Variants in DGKI observed in about 807,000 individuals in gnomAD.
DGKI encodes the protein DAG kinase iota.
A neutral mutation model predicts 147.5 loss-of-function variants in DGKI; 55 were observed. That is an observed-to-expected ratio of 0.37 (90% CI 0.30 to 0.47). The LOEUF (loss-of-function observed/expected upper bound fraction) is 0.47, where lower values mean the gene tolerates loss of function less well. DGKI is among the 20% of genes least tolerant of loss of function. The pLI is 1.00. For synonymous variants in DGKI, 469 were observed against 477.1 expected (o/e 0.98, Z 0.22); for missense variants, 1,007 against 1,323.8 (o/e 0.76, Z 3.71).
At chr7:137,656,848 T>G (rs1398134656) in intron 3 of DGKI, among the ~76,000 whole-genome samples, 1 of 152,240 alleles carries the variant, frequency 6.6e-6, no homozygotes, top group Non-Finnish European at 1.5e-5. Flanking sequence ...CTCTTTGTTC[T>G]GTCATTTCTA....
intron 8 of DGKI, among the ~76,000 whole-genome samples, chr7:137,616,477 C>A (rs1347093462): frequency 1.3e-5 from 2 of 152,010 alleles, no homozygotes; most frequent in African/African-American, 4.8e-5. Context: ...TAAAAGTAAC[C>A]AAGACTCTAG....
At chr7:137,705,360 A>G (rs920648451) in intron 1 of DGKI, among the ~76,000 whole-genome samples, 3 of 152,260 alleles carry the variant, frequency 2.0e-5, no homozygotes, top group Non-Finnish European at 4.4e-5. Flanking sequence ...AAACTATGGT[A>G]TATTTATAAA....
chr7:137,611,836 T>A (rs1820374617), intron 8 of DGKI, among the ~76,000 whole-genome samples: 1 of 152,214 alleles, frequency 6.6e-6, no homozygotes, highest in African/African-American at 2.4e-5. Flanking sequence ...AATATTCCTA[T>A]AATTCACAGC....
At chr7:137,784,203 C>T (rs1321037515) in intron 1 of DGKI, among the ~76,000 whole-genome samples, 1 of 152,084 alleles carries the variant, frequency 6.6e-6, no homozygotes, top group African/African-American at 2.4e-5. Flanking sequence ...ATTCACCAAC[C>T]AAGTTTCTGC....
intron 1 of DGKI, among the ~76,000 whole-genome samples, chr7:137,776,965 G>A (rs936061404): frequency 6.6e-6 from 1 of 152,088 alleles, no homozygotes; most frequent in Admixed American, 6.5e-5. Flanking sequence ...CAAAAGAAAT[G>A]CTTGAGGCCA....
intron 19 of DGKI, among the ~76,000 whole-genome samples, chr7:137,559,145 C>T (rs1056762925): frequency 7.7e-6 from 1 of 129,154 alleles, no homozygotes; most frequent in Non-Finnish European, 1.6e-5. Flanking sequence ...GATCTCGGCT[C>T]ACTGCAAGCT....
intron 1 of DGKI, among the ~76,000 whole-genome samples, chr7:137,783,065 A>C (rs1796567867): frequency 6.6e-6 from 1 of 152,198 alleles, no homozygotes; most frequent in South Asian, 2.1e-4. Context: ...ATATGACAAA[A>C]CAAGATTATT....
At chr7:137,457,497 G>T (rs1814249797) in intron 27 of DGKI, among the ~76,000 whole-genome samples, 1 of 152,134 alleles carries the variant, frequency 6.6e-6, no homozygotes, top group Admixed American at 6.5e-5. Flanking sequence ...GGACCAGAGG[G>T]GAATGATGTT....
chr7:137,659,881 C>A (rs1460184872), intron 3 of DGKI, among the ~76,000 whole-genome samples: 1 of 152,084 alleles, frequency 6.6e-6, no homozygotes, highest in South Asian at 2.1e-4. Flanking sequence ...TGCAGTGAGC[C>A]GAGATCGCGC....
chr7:137,394,576 T>C (rs1811480255), intron 32 of DGKI, among the ~76,000 whole-genome samples: 1 of 152,230 alleles, frequency 6.6e-6, no homozygotes, highest in Admixed American at 6.5e-5. Flanking sequence ...TGGTGCAGCT[T>C]GTTCTCAGTT....
intron 6 of DGKI, among the ~76,000 whole-genome samples, chr7:137,630,552 C>A (rs368719126): frequency 1.2e-4 from 18 of 152,250 alleles, no homozygotes; most frequent in East Asian, 9.6e-4. Context: ...ATAGCTTCCA[C>A]GATATCTTCA....
intron 1 of DGKI, among the ~76,000 whole-genome samples, chr7:137,845,087 C>G (rs1256648460): frequency 6.6e-6 from 1 of 152,254 alleles, no homozygotes; most frequent in African/African-American, 2.4e-5. Flanking sequence ...TGGACCTGAT[C>G]TGTGTGAGTA....
chr7:137,634,345 C>T (rs755756972), intron 6 of DGKI, among the ~76,000 whole-genome samples: 9 of 152,184 alleles, frequency 5.9e-5, no homozygotes, highest in Admixed American at 2.6e-4. Flanking sequence ...AGAAAAGATG[C>T]CCTGTGATGC....
intron 10 of DGKI, among the ~76,000 whole-genome samples, chr7:137,601,706 A>C (rs1819998068): frequency 6.6e-6 from 1 of 152,192 alleles, no homozygotes; most frequent in African/African-American, 2.4e-5. Flanking sequence ...GTTACCGTTA[A>C]TCCTTTTCTT....
intron 1 of DGKI, among the ~76,000 whole-genome samples, chr7:137,842,213 T>A (rs1246189308): frequency 6.6e-6 from 1 of 152,204 alleles, no homozygotes; most frequent in East Asian, 1.9e-4. Flanking sequence ...AGTTCCCCCA[T>A]ACACTATTGA....
At chr7:137,726,737 C>T (rs188744213) in intron 1 of DGKI, among the ~76,000 whole-genome samples, 99 of 152,206 alleles carry the variant, frequency 6.5e-4, no homozygotes, top group African/African-American at 2.2e-3. Context: ...AACGTTGTCC[C>T]TTCAAAAAAT....
At chr7:137,658,617 A>G (rs1822307891) in intron 3 of DGKI, among the ~76,000 whole-genome samples, 1 of 152,176 alleles carries the variant, frequency 6.6e-6, no homozygotes, top group African/African-American at 2.4e-5. Flanking sequence ...GCTCTGCATT[A>G]AGTTCTATGG....
chr7:137,499,221 C>T (rs1038451071), intron 21 of DGKI, among the ~76,000 whole-genome samples: 1 of 152,086 alleles, frequency 6.6e-6, no homozygotes. Context: ...AAGTAGTTAT[C>T]CCAGTAGAAC....
At chr7:137,742,624 C>A (rs1443244088) in intron 1 of DGKI, among the ~76,000 whole-genome samples, 1 of 152,094 alleles carries the variant, frequency 6.6e-6, no homozygotes, top group East Asian at 1.9e-4. Context: ...GAAATTAATA[C>A]CCATGCTTAA....
Sources: gnomAD v4.1 joint callset for allele counts (sites outside exome capture counted in the v4.1 genomes callset) on GRCh38, gnomAD v4.1.1 for gene constraint, MANE v1.5 for transcripts, NCBI Gene and HGNC (gene_info 2026-07-23, HGNC 2026-07-21) for gene names.